The following AMER1 variants were observed in gnomAD, a reference collection of about 807,000 sequenced individuals.
AMER1 encodes RP11-403E24.2.
Under a neutral mutation model 53.0 loss-of-function variants are expected in AMER1, and 16 were observed. That is an observed-to-expected ratio of 0.30 (90% CI 0.20 to 0.46). The LOEUF (loss-of-function observed/expected upper bound fraction) is 0.46. AMER1 is among the 20% of genes least tolerant of loss of function. The pLI, the probability that AMER1 is intolerant of heterozygous loss-of-function variation, is 1.00. For synonymous variants in AMER1, 354 were observed against 331.9 expected (o/e 1.07, Z -0.73); for missense variants, 947 against 884.9 (o/e 1.07, Z -0.89).
rs200797349 is a variant in AMER1, at chrX:64,189,951, C to T, written c.3336G>A (p.Glu1112=). 2.3e-4 allele frequency: 278 copies of T among 1,204,454 alleles called. 1 individual carries two copies. In the African/African-American group the frequency reaches 4.1e-3, roughly 18 times the overall value. ...CAAGAGAGGCACCTTGCTCAGCCCTCTCCTTTGACAGGTCAAGGCTGGAAG... is the reference window on the plus strand; with the variant it reads ...CAAGAGAGGCACCTTGCTCAGCCCTTTCCTTTGACAGGTCAAGGCTGGAAG... ...YGPSSLDLSK[E]RAEQGASLAT... The change falls in exon 2 of 2, where the codon GAG becomes GAA. Residue 1112 remains glutamate (E), a synonymous_variant. Transcript: ENST00000374869.
Position 64,191,750 on chromosome X carries a change from C to T in AMER1, c.1537G>A (p.Asp513Asn), listed in dbSNP as rs2147088021. ...CCAGGTGGAGAGTTCTCAAGGCTGT[C>T]ATCTGGCTCATAGAACTCATATAGG... The part of the protein sequence containing the change: ...DALYEFYEPD[D>N]SLENSPPGDD... Residue 513 changes from aspartate to asparagine, a missense_variant, in exon 2 of 2, where the codon GAC (aspartate) becomes AAC (asparagine). Asp to Asn is a conservative substitution (Grantham distance 23). Transcript: ENST00000374869. The T allele has an allele frequency of 8.3e-7, 1 of 1,211,497 alleles. No individual in the cohort carries two copies. Among genetic ancestry groups the T allele is most frequent in the Non-Finnish European group, 1.1e-6 (1 of 895,394 alleles).
Position 64,188,767 on chromosome X carries a change from T to C in AMER1, c.*1112A>G. On this transcript the variant is annotated 3_prime_UTR_variant, in exon 2 of 2. Transcript: ENST00000374869. ...CCCCTTTCTTGCTGGCTGTGATAAA[T>C]GGACCCTCATTTTCTATCTTTCCCC... 2.5e-6 allele frequency: 2 copies of C among 803,706 alleles called. No individual in the cohort carries two copies. Among genetic ancestry groups the C allele is most frequent in the Non-Finnish European group, 3.0e-6 (2 of 669,780 alleles). The allele number at this position is 803,706 out of a possible 1,213,427, so 66.2% of individuals were successfully genotyped here.
At chrX:64,196,894 A>G (rs145178817) in intron 1 of AMER1, among the ~76,000 whole-genome samples, 3,687 of 112,217 alleles carry the variant, frequency 0.033, 155 homozygotes, top group African/African-American at 0.11. Flanking sequence ...AGGGTCACCC[A>G]TAGCTGGTAG....
rs768010415 is a variant in AMER1 at position 64,186,191 on chromosome X, G to T, written c.*3688C>A. On this transcript the variant is annotated 3_prime_UTR_variant, in exon 2 of 2. Coordinates refer to ENST00000374869, the MANE Select transcript of AMER1 (RefSeq NM_152424.4). Reference sequence around the variant, plus strand: ...GGGCATCTTCTGCTGTCCCTATCATGGGGGGAGGGAACGGACAGTGTGGTA... The same window carrying T: ...GGGCATCTTCTGCTGTCCCTATCATTGGGGGAGGGAACGGACAGTGTGGTA... 1.3e-5 allele frequency: 16 copies of T among 1,205,637 alleles called. No homozygotes were observed. The East Asian group carries it at 2.7e-4, about 20-fold the overall frequency.
At position 64,192,708 on chromosome X, in the gene AMER1, C is replaced by A; in HGVS notation, c.579G>T (p.Gly193=). The change falls in exon 2 of 2, where the codon GGG becomes GGT. Residue 193 remains glycine, a synonymous_variant. Transcript: ENST00000374869. ...KVTGAEQSEP[G]AKGPERVRAR... is the part of the protein sequence containing the mutation. The stretch of plus-strand genomic sequence containing the variant: ...CTCTGACCCTCTCAGGCCCCTTGGC[C>A]CCTGGCTCACTTTGCTCAGCCCCAG... The A allele has an allele frequency of 8.4e-7, 1 of 1,184,917 alleles. No individual in the cohort carries two copies. Among genetic ancestry groups the A allele is most frequent in the South Asian group, 1.9e-5 (1 of 51,869 alleles).
Position 64,192,868 on chromosome X carries a change from C to G in AMER1, c.419G>C (p.Gly140Ala), listed in dbSNP as rs1602068391. Residue 140 changes from glycine (G) to alanine (A), a missense_variant, in exon 2 of 2, where the codon GGC (glycine) becomes GCC (alanine). Coordinates refer to ENST00000374869, the MANE Select transcript of AMER1 (RefSeq NM_152424.4). ...AGCCACAGATGTCTTACATCTGGAG[C>G]CTGTCTCCAAAGCCCCATGGGCACT... ...SQSAHGALET[G>A]SRCKTSVAGA... is the part of the protein sequence containing the mutation. 8.3e-7 allele frequency: 1 copy of G among 1,210,436 alleles called. No individual in the cohort carries two copies. The highest frequency in any genetic ancestry group is 1.1e-6 in the Non-Finnish European group (1 of 895,350).
Position 64,186,954 on chromosome X carries a change from A to G in AMER1, c.*2925T>C. 1.3e-6 allele frequency: 1 copy of G among 775,349 alleles called. No individual in the cohort carries two copies. The highest frequency in any genetic ancestry group is 6.7e-5 in the South Asian group (1 of 15,008). 63.9% of individuals were successfully genotyped at this position (775,349 alleles called of 1,213,427 possible). On this transcript the variant is annotated 3_prime_UTR_variant, in exon 2 of 2. Coordinates refer to ENST00000374869, the MANE Select transcript of AMER1 (RefSeq NM_152424.4). ...TAATAAGATGAAGGCAGCTACTTCCACTAAGTCCCATTTTCCCTTAAAATC... is the reference window on the plus strand; with the variant it reads ...TAATAAGATGAAGGCAGCTACTTCCGCTAAGTCCCATTTTCCCTTAAAATC...
rs1345428670 is a variant in AMER1 at position 64,187,092 on chromosome X, G to A, written c.*2787C>T. The A allele has an allele frequency of 2.6e-6, 2 of 782,705 alleles. No individual in the cohort carries two copies. The highest frequency in any genetic ancestry group is 3.0e-6 in the Non-Finnish European group (2 of 657,181). 64.5% of individuals were successfully genotyped at this position (782,705 alleles called of 1,213,427 possible). ...AGTTTTAGTGGTCTGGGGTGTATTT[G>A]CTGCCACCCAAGCCAGCACTAGTCT... On this transcript the variant is annotated 3_prime_UTR_variant, in exon 2 of 2. Transcript: ENST00000374869.
Position 64,189,792 on chromosome X carries a change from A to AGGGGGGG in AMER1, c.*86_*87insCCCCCCC. 2.7e-6 allele frequency: 2 copies of AGGGGGGG among 746,968 alleles called. No individual in the cohort carries two copies. Among genetic ancestry groups the AGGGGGGG allele is most frequent in the Non-Finnish European group, 3.4e-6 (2 of 590,424 alleles). 61.6% of individuals were successfully genotyped at this position (746,968 alleles called of 1,213,427 possible). On this transcript the variant is annotated 3_prime_UTR_variant, in exon 2 of 2. Transcript: ENST00000374869. The stretch of plus-strand genomic sequence containing the variant: ...CCAAAGGGTTTTCAAGTTAAACAAC[A>AGGGGGGG]ACCCCCACCCCCCCACCCTTCTGCC...
At position 64,187,496 on chromosome X, in the gene AMER1, G is replaced by A. The variant is rs1930132904; in HGVS notation, c.*2383C>T. On this transcript the variant is annotated 3_prime_UTR_variant, in exon 2 of 2. Transcript: ENST00000374869. ...AGACAATGCCTCATGCTGCCTTCCT[G>A]ATCCTGAGGGCAGCTCTCAGCCCTT... is the stretch of plus-strand genomic sequence containing the variant. 9 of 783,361 alleles carry A rather than the reference G, an allele frequency of 1.1e-5. No individual in the cohort carries two copies. The South Asian group carries it at 6.0e-4, about 53-fold the overall frequency. 64.6% of individuals were successfully genotyped at this position (783,361 alleles called of 1,213,427 possible).
At chrX:64,194,978 C>G (rs1930336689) in intron 1 of AMER1, among the ~76,000 whole-genome samples, 3 of 112,027 alleles carry the variant, frequency 2.7e-5, no homozygotes, top group Admixed American at 1.9e-4. Context: ...AAGATAACAG[C>G]TGGTTATCCA....
chrX:64,191,635 G>A lies in AMER1; in HGVS notation c.1652C>T (p.Pro551Leu), dbSNP rs1373382264. The stretch of plus-strand genomic sequence containing the variant: ...TTCTTCCTCTGTCTCCATTGCCCCA[G>A]GTGGCCGGGAGGACAAAAAGGGCTC... ...NFEPFLSSRP[P>L]GAMETEEERL... Residue 551 changes from proline (P) to leucine (L), a missense_variant, in exon 2 of 2, where the codon CCT (proline) becomes CTT (leucine). Pro to Leu is a moderately conservative substitution (Grantham distance 98). Transcript: ENST00000374869. The A allele has an allele frequency of 8.3e-7, 1 of 1,211,020 alleles. No homozygotes were observed. The highest frequency in any genetic ancestry group is 3.0e-5 in the East Asian group (1 of 33,750).
In AMER1 at chrX:64,187,925, C is replaced by T. The variant is rs1930140888; in HGVS notation, c.*1954G>A. The T allele has an allele frequency of 1.3e-6, 1 of 777,931 alleles. No homozygotes were observed. The highest frequency in any genetic ancestry group is 6.7e-5 in the South Asian group (1 of 14,883). 64.1% of individuals were successfully genotyped at this position (777,931 alleles called of 1,213,427 possible). On this transcript the variant is annotated 3_prime_UTR_variant, in exon 2 of 2. Transcript: ENST00000374869. ...CTGTAGCCAAAGTCAGCCTGAAGAG[C>T]TGGTCTGGGTCCCTTGAGTGGTGGT... is the stretch of plus-strand genomic sequence containing the variant.
chrX:64,203,253 C>A (rs964545395), intron 1 of AMER1, among the ~76,000 whole-genome samples: 12 of 111,692 alleles, frequency 1.1e-4, no homozygotes, highest in African/African-American at 3.9e-4. Context: ...TTGCAATCAT[C>A]CCCCTTCTAA....
At position 64,189,245 on chromosome X, in the gene AMER1, G is replaced by A; in HGVS notation, c.*634C>T. 1.3e-6 allele frequency: 1 copy of A among 796,534 alleles called. No individual in the cohort carries two copies. The allele number at this position is 796,534 out of a possible 1,213,427, so 65.6% of individuals were successfully genotyped here. A position where few individuals can be genotyped will look rare whatever the true frequency, so the allele number is the denominator to read the frequency against. ...ATAGCTTATAGTCATCTGATATAAT[G>A]ATGGCAGCTATGCCAGGCCAAAAGG... On this transcript the variant is annotated 3_prime_UTR_variant, in exon 2 of 2. Coordinates refer to ENST00000374869, the MANE Select transcript of AMER1 (RefSeq NM_152424.4).
rs201965033 is a variant in AMER1, at chrX:64,192,004, G to T, written c.1283C>A (p.Thr428Asn). The T allele has an allele frequency of 8.2e-7, 1 of 1,212,207 alleles. No individual in the cohort carries two copies. Among genetic ancestry groups the T allele is most frequent in the Non-Finnish European group, 1.1e-6 (1 of 895,617 alleles). ...RPNMNLGYHP[T>N]TSPGHHGYML... ...GTAGCCGTGGTGGCCTGGGGATGTG[G>T]TGGGATGGTAGCCCAGGTTCATATT... Residue 428 changes from threonine (T) to asparagine (N), a missense_variant, in exon 2 of 2, where the codon ACC becomes AAC. Physicochemically the swap from Thr to Asn is moderately conservative, Grantham distance 65. Coordinates refer to ENST00000374869, the MANE Select transcript of AMER1 (RefSeq NM_152424.4).
chrX:64,198,501 G>A (rs1177490854), intron 1 of AMER1, among the ~76,000 whole-genome samples: 1 of 111,575 alleles, frequency 9.0e-6, no homozygotes, highest in African/African-American at 3.3e-5. Flanking sequence ...CTAGCTCCCA[G>A]AACTGTTGAG....
intron 1 of AMER1, among the ~76,000 whole-genome samples, chrX:64,202,481 C>A (rs924503677): frequency 9.0e-6 from 1 of 111,622 alleles, no homozygotes. Flanking sequence ...TTAAGCGAGC[C>A]CCTGTTGCTT....
chrX:64,202,157 C>T (rs145244160), intron 1 of AMER1, among the ~76,000 whole-genome samples: 2,222 of 112,045 alleles, frequency 0.02, 32 homozygotes, highest in Admixed American at 0.047. Flanking sequence ...TTTTTAATAC[C>T]TCCACTATGC....
Sources: gnomAD v4.1 joint callset for allele counts (sites outside exome capture counted in the v4.1 genomes callset) on GRCh38, gnomAD v4.1.1 for gene constraint, MANE v1.5 for transcripts, NCBI Gene and HGNC (gene_info 2026-07-23, HGNC 2026-07-21) for gene names.